Variants in AHCYL2 observed in about 807,000 individuals in gnomAD.
The protein encoded by AHCYL2 is S-adenosylhomocysteine hydrolase-like protein 2.
In AHCYL2, 28 loss-of-function variants were observed where a neutral mutation model predicts 81.4. The ratio of observed to expected loss-of-function variants is 0.34; its 90% CI spans 0.25 to 0.47. AHCYL2 has a LOEUF of 0.47. Ranked by LOEUF, AHCYL2 falls within the 20% of genes least tolerant of loss-of-function variation. The probability of loss-of-function intolerance (pLI) is 1.00; values close to 1 mark genes in which losing one functional copy is unlikely to be tolerated. For missense variants in AHCYL2, 551 were observed against 785.1 expected (o/e 0.70, Z 3.56); for synonymous variants, 272 against 290.2 (o/e 0.94, Z 0.64).
chr7:129,315,930 A>G (rs1207509429), intron 1 of AHCYL2, among the ~76,000 whole-genome samples: 1 of 152,202 alleles, frequency 6.6e-6, no homozygotes, highest in Non-Finnish European at 1.5e-5. Flanking sequence ...ATAGGACACA[A>G]TTCTACTCTT....
intron 1 of AHCYL2, among the ~76,000 whole-genome samples, chr7:129,378,365 A>T (rs1426876744): frequency 3.3e-5 from 5 of 152,328 alleles, no homozygotes; most frequent in Admixed American, 6.5e-5. Flanking sequence ...AATATATTTT[A>T]AAAAGCTTTA....
At chr7:129,383,799 C>A (rs1264573759) in intron 2 of AHCYL2, among the ~76,000 whole-genome samples, 1 of 152,146 alleles carries the variant, frequency 6.6e-6, no homozygotes, top group Non-Finnish European at 1.5e-5. Context: ...CCTGTTCCCT[C>A]TACTTGGAAT....
chr7:129,270,022 G>A (rs1337889209), intron 1 of AHCYL2, among the ~76,000 whole-genome samples: 1 of 152,058 alleles, frequency 6.6e-6, no homozygotes, highest in Non-Finnish European at 1.5e-5. Context: ...TTTTTGACTT[G>A]GGCCTTCCTT....
intron 1 of AHCYL2, among the ~76,000 whole-genome samples, chr7:129,321,460 T>A (rs961523459): frequency 1.3e-5 from 2 of 152,210 alleles, no homozygotes; most frequent in African/African-American, 4.8e-5. Flanking sequence ...TAGTAAGTTA[T>A]ATTGATTGAT....
At chr7:129,247,919 T>G (rs1795117489) in intron 1 of AHCYL2, among the ~76,000 whole-genome samples, 1 of 152,204 alleles carries the variant, frequency 6.6e-6, no homozygotes, top group Non-Finnish European at 1.5e-5. Flanking sequence ...CTACTTTTGG[T>G]GGTATAACAA....
intron 13 of AHCYL2, 195 bp from the exon 14 acceptor site, chr7:129,424,679 A>T: frequency 1.6e-6 from 1 of 609,776 alleles, no homozygotes; most frequent in Non-Finnish European, 2.9e-6. Flanking sequence ...TATTAGTTTC[A>T]TCAGATTTTC....
chr7:129,283,511 C>T, intron 1 of AHCYL2: 1 of 448,942 alleles, frequency 2.2e-6, no homozygotes. Context: ...TGAAATGTTT[C>T]AGGATAAACA....
chr7:129,235,559 A>T (rs1485807424), intron 1 of AHCYL2, among the ~76,000 whole-genome samples: 1 of 151,724 alleles, frequency 6.6e-6, no homozygotes, highest in Non-Finnish European at 1.5e-5. Context: ...AGGAGCTGGG[A>T]CTACAGGCAC....
chr7:129,347,788 T>G (rs1793414564), intron 1 of AHCYL2, among the ~76,000 whole-genome samples: 1 of 152,188 alleles, frequency 6.6e-6, no homozygotes, highest in Non-Finnish European at 1.5e-5. Context: ...CCCCCACAAT[T>G]AAAAGGCGTT....
chr7:129,393,231 A>G (rs1434937692), intron 4 of AHCYL2, among the ~76,000 whole-genome samples: 1 of 152,240 alleles, frequency 6.6e-6, no homozygotes, highest in Non-Finnish European at 1.5e-5. Flanking sequence ...AGCCTAGGCA[A>G]CATGGTAAAA....
intron 1 of AHCYL2, among the ~76,000 whole-genome samples, chr7:129,247,216 T>C (rs2718117): frequency 0.99 from 150,786 of 152,356 alleles, 74,631 homozygotes; most frequent in Middle Eastern, 1. Context: ...TTCATTTTCT[T>C]TACATCCTTG....
At chr7:129,325,441 G>A (rs1030529846) in intron 1 of AHCYL2, among the ~76,000 whole-genome samples, 11 of 151,760 alleles carry the variant, frequency 7.2e-5, no homozygotes, top group Non-Finnish European at 1.0e-4. Context: ...TTCCCCTCTC[G>A]ATGCTTTTAA....
intron 5 of AHCYL2, 64 bp from the exon 6 acceptor site, chr7:129,400,226 C>G: frequency 6.9e-7 from 1 of 1,446,418 alleles, no homozygotes; most frequent in Non-Finnish European, 9.6e-7. Context: ...AATCTTCTCA[C>G]TAAAATTAGG....
chr7:129,333,198 G>A (rs1798481083), intron 1 of AHCYL2, among the ~76,000 whole-genome samples: 1 of 151,606 alleles, frequency 6.6e-6, no homozygotes, highest in African/African-American at 2.4e-5. Flanking sequence ...GGCCAGGCAC[G>A]GTGGCTCACG....
At chr7:129,379,224 G>A (rs1442510414) in intron 1 of AHCYL2, among the ~76,000 whole-genome samples, 1 of 150,802 alleles carries the variant, frequency 6.6e-6, no homozygotes, top group Non-Finnish European at 1.5e-5. Flanking sequence ...AGGTTGCAGT[G>A]AGCCGAGATC....
At chr7:129,360,718 T>TATGTGTGTGC (rs1793905134) in intron 1 of AHCYL2, among the ~76,000 whole-genome samples, 1 of 152,178 alleles carries the variant, frequency 6.6e-6, no homozygotes, top group Non-Finnish European at 1.5e-5. Flanking sequence ...TGTGTGTGTG[T>TATGTGTGTGC]ATGTGTGTGC....
intron 4 of AHCYL2, among the ~76,000 whole-genome samples, chr7:129,390,541 A>G (rs1795418391): frequency 6.6e-6 from 1 of 152,248 alleles, no homozygotes; most frequent in South Asian, 2.1e-4. Flanking sequence ...ATCACAGTAC[A>G]TAGCAGAAAG....
intron 4 of AHCYL2, 85 bp from the exon 5 acceptor site, chr7:129,397,137 T>C (rs1563232849): frequency 3.4e-6 from 4 of 1,183,034 alleles, no homozygotes; most frequent in Non-Finnish European, 4.8e-6. Context: ...CGTTGTATTT[T>C]CTGATTGTAA....
chr7:129,340,165 G>A (rs1184139483), intron 1 of AHCYL2, among the ~76,000 whole-genome samples: 3 of 140,622 alleles, frequency 2.1e-5, no homozygotes, highest in Middle Eastern at 5.3e-3. Context: ...CTTGTGATCC[G>A]CCCGCCTTGG....
Sources: gnomAD v4.1 joint callset for allele counts (sites outside exome capture counted in the v4.1 genomes callset) on GRCh38, gnomAD v4.1.1 for gene constraint, MANE v1.5 for transcripts, NCBI Gene and HGNC (gene_info 2026-07-23, HGNC 2026-07-21) for gene names.